MBTD1: variants seen among roughly 807,000 people sequenced by gnomAD.
MBTD1 encodes MBT domain-containing protein 1.
In MBTD1, 24 loss-of-function variants were observed where a neutral mutation model predicts 87.8. That is an observed-to-expected ratio of 0.27 (90% CI 0.20 to 0.38). The LOEUF (loss-of-function observed/expected upper bound fraction) is 0.38, where lower values mean the gene tolerates loss of function less well. Among genes scored for constraint, MBTD1 ranks in the 10% least tolerant of loss-of-function variants. MBTD1 has a pLI of 1.00. For missense variants in MBTD1, 436 were observed against 760.2 expected (o/e 0.57, Z 5.02); for synonymous variants, 237 against 248.6 (o/e 0.95, Z 0.44).
Position 51,259,907 on chromosome 17 carries a change from C to G in MBTD1, c.-185G>C. 8.1e-7 allele frequency: 1 copy of G among 1,231,438 alleles called. No individual in the cohort carries two copies. Among genetic ancestry groups the G allele is most frequent in the South Asian group, 4.1e-5 (1 of 24,342 alleles). The allele number at this position is 1,231,438 out of a possible 1,614,324, so 76.3% of individuals were successfully genotyped here. A position where few individuals can be genotyped will look rare whatever the true frequency, so the allele number is the denominator to read the frequency against. On this transcript the variant is annotated 5_prime_UTR_variant, in exon 1 of 17. Transcript: ENST00000586178. ...GTGCTCCCCGAGCCCGCGGCGCCCC[C>G]TCCCCGGGCTGGGGGCAGGTGCCTC...
chr17:51,247,662 C>G (rs906958251), intron 2 of MBTD1, among the ~76,000 whole-genome samples: 1 of 152,044 alleles, frequency 6.6e-6, no homozygotes, highest in African/African-American at 2.4e-5. Flanking sequence ...ATTGCCCAGG[C>G]CAATCTCAAA....
chr17:51,234,589 TG>T (rs1486185627), intron 2 of MBTD1, among the ~76,000 whole-genome samples: 3 of 152,202 alleles, frequency 2.0e-5, no homozygotes, highest in African/African-American at 7.2e-5. Flanking sequence ...CTGTATCTAC[TG>T]AAAAAACTAA....
At chr17:51,191,038 T>C (rs1403433831) in intron 16 of MBTD1, among the ~76,000 whole-genome samples, 1 of 151,834 alleles carries the variant, frequency 6.6e-6, no homozygotes, top group Non-Finnish European at 1.5e-5. Context: ...TGAGCGGAGA[T>C]TGTGCCACTG....
intron 2 of MBTD1, among the ~76,000 whole-genome samples, chr17:51,252,512 A>C: frequency 6.6e-6 from 1 of 152,034 alleles, no homozygotes; most frequent in Non-Finnish European, 1.5e-5. Context: ...GGATTACTTG[A>C]GGAGTAATCC....
At chr17:51,204,711 G>C (rs2051713388) in intron 7 of MBTD1, among the ~76,000 whole-genome samples, 1 of 152,008 alleles carries the variant, frequency 6.6e-6, no homozygotes, top group South Asian at 2.1e-4. Context: ...ATGTTGGCCA[G>C]GCTAGTCTCG....
chr17:51,218,008 C>T (rs1414024427), intron 5 of MBTD1, among the ~76,000 whole-genome samples: 1 of 152,182 alleles, frequency 6.6e-6, no homozygotes, highest in Non-Finnish European at 1.5e-5. Context: ...GAATGACAAA[C>T]ACTGTTGTGG....
chr17:51,251,589 T>C (rs987165460), intron 2 of MBTD1: 4 of 152,184 alleles, frequency 2.6e-5, no homozygotes, highest in Non-Finnish European at 5.9e-5. Context: ...TTCAGTAAAT[T>C]TGTCAAGCCT....
intron 2 of MBTD1, among the ~76,000 whole-genome samples, chr17:51,245,020 C>G (rs1019523547): frequency 6.6e-6 from 1 of 152,170 alleles, no homozygotes; most frequent in Admixed American, 6.5e-5. Context: ...CCTGCTTCAG[C>G]TTCTCGAGTA....
intron 6 of MBTD1, among the ~76,000 whole-genome samples, chr17:51,214,462 AAAG>A (rs778610502): frequency 3.9e-5 from 6 of 152,202 alleles, no homozygotes; most frequent in Non-Finnish European, 5.9e-5. Flanking sequence ...CAGACCATGG[AAAG>A]AAGAATTATA....
At chr17:51,237,311 A>G (rs943936607) in intron 2 of MBTD1, among the ~76,000 whole-genome samples, 1 of 151,460 alleles carries the variant, frequency 6.6e-6, no homozygotes, top group African/African-American at 2.4e-5. Flanking sequence ...AAAAAAAAAA[A>G]AAAAGAAAAA....
Position 51,179,522 on chromosome 17 carries a change from ATATATATATATATATG to A in MBTD1, c.*1038_*1053del, listed in dbSNP as rs2050228649. 1 of 98,050 alleles carries A rather than the reference ATATATATATATATATG, an allele frequency of 1.0e-5. No homozygotes were observed. The allele number at this position is 98,050 out of a possible 1,614,324, so 6.1% of individuals were successfully genotyped here. ...TATATATATATATATATATATATATATATATATATATATATGGAATTTTAAGAAAATTAAATTCTCT... is the reference window on the plus strand; with the variant it reads ...TATATATATATATATATATATATATAGAATTTTAAGAAAATTAAATTCTCT... On this transcript the variant is annotated 3_prime_UTR_variant, in exon 17 of 17. Coordinates refer to ENST00000586178, the MANE Select transcript of MBTD1 (RefSeq NM_017643.3).
At chr17:51,249,069 G>A (rs890152847) in intron 2 of MBTD1, among the ~76,000 whole-genome samples, 1 of 151,418 alleles carries the variant, frequency 6.6e-6, no homozygotes, top group South Asian at 2.1e-4. Flanking sequence ...TGGGCAACAT[G>A]GCGAGACTTC....
intron 12 of MBTD1, among the ~76,000 whole-genome samples, chr17:51,201,369 C>T (rs1399782301): frequency 1.3e-5 from 2 of 152,166 alleles, no homozygotes; most frequent in African/African-American, 4.8e-5. Flanking sequence ...TTAGGATATA[C>T]TTCCATAAAT....
At chr17:51,240,034 A>C (rs1489825087) in intron 2 of MBTD1, among the ~76,000 whole-genome samples, 2 of 152,002 alleles carry the variant, frequency 1.3e-5, no homozygotes, top group East Asian at 3.9e-4. Flanking sequence ...CTAGAGGGAG[A>C]CCTTATCTTT....
chr17:51,220,841 C>T (rs1174844470), intron 3 of MBTD1, among the ~76,000 whole-genome samples: 3 of 152,142 alleles, frequency 2.0e-5, no homozygotes, highest in African/African-American at 7.2e-5. Flanking sequence ...ATGAAAAGTG[C>T]CACACAACTG....
intron 6 of MBTD1, among the ~76,000 whole-genome samples, chr17:51,213,101 C>T (rs1208443424): frequency 1.3e-5 from 2 of 152,062 alleles, no homozygotes; most frequent in African/African-American, 2.4e-5. Flanking sequence ...TGCAGTGGTA[C>T]GATCAGGGCT....
At chr17:51,238,571 T>C (rs1382596752) in intron 2 of MBTD1, among the ~76,000 whole-genome samples, 1 of 152,212 alleles carries the variant, frequency 6.6e-6, no homozygotes, top group Non-Finnish European at 1.5e-5. Context: ...ATGATGGCTC[T>C]GGAAGGATTC....
At position 51,178,229 on chromosome 17, in the gene MBTD1, G is replaced by A. The variant is rs1026116314; in HGVS notation, c.*2347C>T. The A allele has an allele frequency of 6.6e-6, 1 of 152,122 alleles. No individual in the cohort carries two copies. Among genetic ancestry groups the A allele is most frequent in the Non-Finnish European group, 1.5e-5 (1 of 68,020 alleles). The allele number at this position is 152,122 out of a possible 1,614,324, so 9.4% of individuals were successfully genotyped here. A position where few individuals can be genotyped will look rare whatever the true frequency, so the allele number is the denominator to read the frequency against. ...ATCTCCTCTGCATTAATTATTTTTCGGTTCGTCGGCAGTAGGAGTTAGTGT... is the reference window on the plus strand; with the variant it reads ...ATCTCCTCTGCATTAATTATTTTTCAGTTCGTCGGCAGTAGGAGTTAGTGT... On this transcript the variant is annotated 3_prime_UTR_variant, in exon 17 of 17. Coordinates refer to ENST00000586178, the MANE Select transcript of MBTD1 (RefSeq NM_017643.3).
rs561215056 is a variant in MBTD1, at chr17:51,208,979, G to T, written c.487-1974C>A. On this transcript the variant is annotated intron_variant, in intron 6 of 16. Coordinates refer to ENST00000586178, the MANE Select transcript of MBTD1 (RefSeq NM_017643.3). ...AAGTGACATTTGTTCTTGCCTGTAA[G>T]GTTGTGGTTCTGCTAGGCCCTCTTA... Among the ~76,000 whole-genome samples the T allele has an allele frequency of 7.2e-5, 11 of 152,290 alleles. No homozygotes were observed. The South Asian group carries it at 1.5e-3, about 20-fold the overall frequency.
Sources: allele counts gnomAD v4.1 joint callset (sites outside exome capture counted in the v4.1 genomes callset), GRCh38; gene constraint gnomAD v4.1.1; transcripts MANE v1.5; gene names NCBI Gene and HGNC (gene_info 2026-07-23, HGNC 2026-07-21).